SEC61A2: variants seen among roughly 807,000 people sequenced by gnomAD.
SEC61A2 encodes the protein SEC61 translocon subunit alpha 2.
In SEC61A2, 28 loss-of-function variants were observed where a neutral mutation model predicts 59.9. The ratio of observed to expected loss-of-function variants is 0.47; its 90% CI spans 0.35 to 0.64. The LOEUF is 0.64. SEC61A2 is among the 30% of genes least tolerant of loss of function. The pLI is 0.01. For missense variants in SEC61A2, 340 were observed against 585.9 expected (o/e 0.58, Z 4.33); for synonymous variants, 202 against 214.4 (o/e 0.94, Z 0.50).
In SEC61A2 at chr10:12,143,322, G is replaced by A; in HGVS notation, c.220+127G>A. The A allele has an allele frequency of 1.4e-6, 1 of 736,044 alleles. No homozygotes were observed. The allele number at this position is 736,044 out of a possible 1,614,324, so 45.6% of individuals were successfully genotyped here. A position where few individuals can be genotyped will look rare whatever the true frequency, so the allele number is the denominator to read the frequency against. On this transcript the variant is annotated intron_variant, in intron 4 of 11. Coordinates refer to ENST00000298428, the MANE Select transcript of SEC61A2 (RefSeq NM_018144.4). The surrounding 1 kb of genome is among the most constrained non-coding windows in gnomAD (Gnocchi z 4.8). ...ATCATTGCCTAGAAAAGCCTAGTAT[G>A]TAGATAATGACAACACCGTGTGATT...
At chr10:12,134,397 A>G (rs1407658901) in intron 2 of SEC61A2, among the ~76,000 whole-genome samples, 2 of 152,200 alleles carry the variant, frequency 1.3e-5, no homozygotes, top group East Asian at 3.8e-4. Flanking sequence ...AGTCTATAAA[A>G]TATTCATATG....
downstream of SEC61A2, chr10:12,167,644 C>T: frequency 1.3e-6 from 2 of 1,501,854 alleles, no homozygotes; most frequent in South Asian, 1.1e-5. Flanking sequence ...AATACAAAGT[C>T]TTAGTGAAGA....
chr10:12,163,207 G>A (rs1050067967), intron 11 of SEC61A2, among the ~76,000 whole-genome samples: 6 of 151,962 alleles, frequency 3.9e-5, no homozygotes, highest in African/African-American at 1.5e-4. Flanking sequence ...TGCGAAGTGG[G>A]GCACAATCAC....
rs1834083356 is a variant in SEC61A2, at chr10:12,143,985, C to T, written c.220+790C>T. Among the ~76,000 whole-genome samples, 1 of 152,156 alleles carries T rather than the reference C, an allele frequency of 6.6e-6. No homozygotes were observed. Among genetic ancestry groups the T allele is most frequent in the South Asian group, 2.1e-4 (1 of 4,830 alleles). On this transcript the variant is annotated intron_variant, in intron 4 of 11. Coordinates refer to ENST00000298428, the MANE Select transcript of SEC61A2 (RefSeq NM_018144.4). This position sits in a 1 kb window ranked among gnomAD's most constrained non-coding sequence, Gnocchi z 4.8. Reference sequence around the variant, plus strand: ...TAGCTGGGACTACTGGTGCGTGCCACAATGCCTGGCTAATTTTTGTAGTTT... The same window carrying T: ...TAGCTGGGACTACTGGTGCGTGCCATAATGCCTGGCTAATTTTTGTAGTTT...
Position 12,164,675 on chromosome 10 carries a change from C to T in SEC61A2, c.*221C>T. ...ACATTATTCATTAAAAAAAGTACAT[C>T]TAGTGTTGCCTGTAATGCTGGAAAC... On this transcript the variant is annotated 3_prime_UTR_variant, in exon 12 of 12. Coordinates refer to ENST00000298428, the MANE Select transcript of SEC61A2 (RefSeq NM_018144.4). This position sits in a 1 kb window ranked among gnomAD's most constrained non-coding sequence, Gnocchi z 7.3. 1 of 1,333,680 alleles carries T rather than the reference C, an allele frequency of 7.5e-7. No individual in the cohort carries two copies. The highest frequency in any genetic ancestry group is 9.6e-7 in the Non-Finnish European group (1 of 1,046,558). The allele number at this position is 1,333,680 out of a possible 1,614,324, so 82.6% of individuals were successfully genotyped here.
At chr10:12,137,789 T>G (rs552413202) in intron 3 of SEC61A2, among the ~76,000 whole-genome samples, 35 of 152,262 alleles carry the variant, frequency 2.3e-4, no homozygotes, top group African/African-American at 8.2e-4. Context: ...GGAGGATTAC[T>G]TGACGTCAGG....
At chr10:12,167,624 A>C, downstream of SEC61A2, 1 of 1,374,796 alleles carries the variant, frequency 7.3e-7, no homozygotes, top group Non-Finnish European at 1.0e-6. Context: ...ATCTACATTA[A>C]ACTAAGTTGA....
chr10:12,136,044 C>A (rs1051502407), intron 2 of SEC61A2, 61 bp from the exon 3 acceptor site: 34 of 1,050,638 alleles, frequency 3.2e-5, no homozygotes, highest in Non-Finnish European at 4.3e-5. Flanking sequence ...AACTCTGCTG[C>A]CCCCCAAAAA....
chr10:12,166,535 T>C, downstream of SEC61A2: 1 of 312,166 alleles, frequency 3.2e-6, no homozygotes, highest in Non-Finnish European at 6.5e-6. Context: ...GCTCAGACAG[T>C]GAGCCTGTGG....
Position 12,164,495 on chromosome 10 carries a change from A to G in SEC61A2, c.*41A>G, listed in dbSNP as rs1834616059. On this transcript the variant is annotated 3_prime_UTR_variant, in exon 12 of 12. Transcript: ENST00000298428. This position sits in a 1 kb window ranked among gnomAD's most constrained non-coding sequence, Gnocchi z 7.3. The stretch of plus-strand genomic sequence containing the variant: ...ATTTTGTGCGTGTGAAAGGGAAAAC[A>G]CTTTGACGGATCGTTTTTGTCAGAT... The G allele has an allele frequency of 6.3e-7, 1 of 1,585,514 alleles. No individual in the cohort carries two copies. The highest frequency in any genetic ancestry group is 1.1e-5 in the South Asian group (1 of 87,004).
Position 12,129,939 on chromosome 10 carries a change from G to C in SEC61A2, c.7+145G>C. 1.4e-6 allele frequency: 1 copy of C among 725,798 alleles called. No individual in the cohort carries two copies. The highest frequency in any genetic ancestry group is 1.9e-6 in the Non-Finnish European group (1 of 516,960). 45.0% of individuals were successfully genotyped at this position (725,798 alleles called of 1,614,324 possible). A position where few individuals can be genotyped will look rare whatever the true frequency, so the allele number is the denominator to read the frequency against. ...GGGCCTCAGCGGAGGGCACGGGCCG[G>C]GGGCCTCCGCCGAGGCTCCCCTAGC... On this transcript the variant is annotated intron_variant, in intron 1 of 11. Transcript: ENST00000298428. This position sits in a 1 kb window ranked among gnomAD's most constrained non-coding sequence, Gnocchi z 5.6.
intron 2 of SEC61A2, 25 bp from the exon 3 acceptor site, chr10:12,136,080 T>A (rs1384969979): frequency 6.5e-7 from 1 of 1,549,778 alleles, no homozygotes; most frequent in East Asian, 2.2e-5. Flanking sequence ...TTTTGATTGA[T>A]GATTCTTTAC....
downstream of SEC61A2, chr10:12,167,855 A>C: frequency 6.2e-7 from 1 of 1,608,938 alleles, no homozygotes; most frequent in Non-Finnish European, 8.5e-7. Flanking sequence ...CCGTTAAGGA[A>C]GGACAAAACA....
chr10:12,140,840 T>G (rs1018452614), intron 3 of SEC61A2, among the ~76,000 whole-genome samples: 1 of 152,032 alleles, frequency 6.6e-6, no homozygotes, highest in African/African-American at 2.4e-5. Context: ...GACCTCATGA[T>G]CCACCCATCT....
intron 9 of SEC61A2, among the ~76,000 whole-genome samples, chr10:12,159,379 A>AT (rs946634591): frequency 1.3e-5 from 2 of 152,036 alleles, no homozygotes; most frequent in Non-Finnish European, 2.9e-5. Context: ...ACAAAGGGGT[A>AT]TTTTCCCTCT....
chr10:12,167,742 G>A, downstream of SEC61A2: 2 of 1,614,130 alleles, frequency 1.2e-6, no homozygotes, highest in Non-Finnish European at 1.7e-6. Flanking sequence ...CTTTGCATTT[G>A]CATGTTTCAG....
At position 12,158,061 on chromosome 10, in the gene SEC61A2, C is replaced by A. The variant is rs201025675; in HGVS notation, c.931C>A (p.Arg311=). Residue 311 remains arginine, a synonymous_variant, in exon 9 of 12, where the codon CGA becomes AGA. Transcript: ENST00000298428. The surrounding 1 kb of genome is among the most constrained non-coding windows in gnomAD (Gnocchi z 5.7). ...TGTTATTTCCCAGATGCTGTCTGTT[C>A]GATTTAGTGGCAACTTTTTAGTAAA... is the stretch of plus-strand genomic sequence containing the variant. ...LYVISQMLSV[R]FSGNFLVNLL... 2 of 1,613,952 alleles carry A rather than the reference C, an allele frequency of 1.2e-6. No individual in the cohort carries two copies. The highest frequency in any genetic ancestry group is 1.7e-6 in the Non-Finnish European group (2 of 1,180,014).
intron 1 of SEC61A2, among the ~76,000 whole-genome samples, chr10:12,131,682 CT>C (rs1199525836): frequency 0.078 from 3,597 of 46,062 alleles, 6 homozygotes; most frequent in Non-Finnish European, 0.1. Context: ...GATTACATAC[CT>C]TTTTTTTTTT....
Position 12,145,678 on chromosome 10 carries a change from G to A in SEC61A2, c.220+2483G>A, listed in dbSNP as rs1276787584. 6.6e-6 allele frequency among the ~76,000 whole-genome samples: 1 copy of A among 152,158 alleles called. No homozygotes were observed. The highest frequency in any genetic ancestry group is 1.5e-5 in the Non-Finnish European group (1 of 68,026). On this transcript the variant is annotated intron_variant, in intron 4 of 11. Coordinates refer to ENST00000298428, the MANE Select transcript of SEC61A2 (RefSeq NM_018144.4). This position sits in a 1 kb window ranked among gnomAD's most constrained non-coding sequence, Gnocchi z 4.4. ...AGGAAACTAGATGCTTTCGTAGTCC[G>A]TAGATGTGATGATTGGATCTTCACG...
Sources: gnomAD v4.1 joint callset for allele counts (sites outside exome capture counted in the v4.1 genomes callset) on GRCh38, gnomAD v4.1.1 for gene constraint, Gnocchi (gnomAD v3.1) non-coding constraint, MANE v1.5 for transcripts, NCBI Gene and HGNC (gene_info 2026-07-23, HGNC 2026-07-21) for gene names.